SNAP91: variants seen among roughly 807,000 people sequenced by gnomAD.
SNAP91 encodes clathrin coat assembly protein AP180.
A neutral mutation model predicts 100.3 loss-of-function variants in SNAP91; 27 were observed. That is an observed-to-expected ratio of 0.27 (90% CI 0.20 to 0.37). The LOEUF is 0.37. SNAP91 is among the 10% of genes least tolerant of loss of function. The pLI, the probability that SNAP91 is intolerant of heterozygous loss-of-function variation, is 1.00. For synonymous variants in SNAP91, 404 were observed against 398.6 expected (o/e 1.01, Z -0.16); for missense variants, 986 against 1,123.7 (o/e 0.88, Z 1.75).
intron 17 of SNAP91, among the ~76,000 whole-genome samples, chr6:83,593,980 C>T (rs901813493): frequency 8.5e-5 from 13 of 152,088 alleles, no homozygotes; most frequent in East Asian, 3.8e-4. Flanking sequence ...TGCAAAGTGC[C>T]GTAAGATTAA....
chr6:83,572,746 C>A (rs867801122), intron 26 of SNAP91, among the ~76,000 whole-genome samples: 4 of 152,086 alleles, frequency 2.6e-5, no homozygotes, highest in Admixed American at 1.3e-4. Flanking sequence ...TTCCTTAGAA[C>A]AACAAATAAG....
At chr6:83,593,348 G>T in intron 18 of SNAP91, 89 bp from the exon 19 acceptor site, 1 of 1,517,084 alleles carries the variant, frequency 6.6e-7, no homozygotes. Flanking sequence ...GCACTTTGAA[G>T]AACTCTGAAT....
intron 15 of SNAP91, 69 bp from the exon 16 acceptor site, chr6:83,601,507 C>G (rs1223847862): frequency 1.2e-6 from 2 of 1,610,688 alleles, no homozygotes; most frequent in Non-Finnish European, 1.7e-6. Flanking sequence ...ATACCAGACT[C>G]CAAATGATCA....
chr6:83,675,886 G>A (rs992478599), intron 2 of SNAP91, among the ~76,000 whole-genome samples: 3 of 108,944 alleles, frequency 2.8e-5, no homozygotes, highest in African/African-American at 1.1e-4. Flanking sequence ...TCACCCTTTG[G>A]CTGCCAATGT....
rs1192381386 is a variant in SNAP91 at position 83,554,100 on chromosome 6, T to C, written c.*196A>G. 1.3e-5 allele frequency: 2 copies of C among 159,236 alleles called. No individual in the cohort carries two copies. The highest frequency in any genetic ancestry group is 6.5e-5 in the Admixed American group (1 of 15,428). 9.9% of individuals were successfully genotyped at this position (159,236 alleles called of 1,614,324 possible). A position where few individuals can be genotyped will look rare whatever the true frequency, so the allele number is the denominator to read the frequency against. ...TCCAAATACACTACAATTTCAAGAG[T>C]AGGGATAACAGCTAAGGTAGTACAT... On this transcript the variant is annotated 3_prime_UTR_variant, in exon 30 of 30. Transcript: ENST00000369694.
intron 5 of SNAP91, among the ~76,000 whole-genome samples, chr6:83,659,725 C>A (rs1237765508): frequency 6.6e-6 from 1 of 151,946 alleles, no homozygotes; most frequent in Non-Finnish European, 1.5e-5. Flanking sequence ...AGCCACTTTG[C>A]CCAATCAAAA....
intron 23 of SNAP91, among the ~76,000 whole-genome samples, chr6:83,581,807 A>T (rs537526563): frequency 2.6e-5 from 4 of 152,330 alleles, no homozygotes; most frequent in Admixed American, 6.5e-5. Context: ...TTTGTGTCTC[A>T]ACTTCATAAA....
At chr6:83,675,018 C>G (rs528260168) in intron 2 of SNAP91, among the ~76,000 whole-genome samples, 2 of 152,000 alleles carry the variant, frequency 1.3e-5, no homozygotes, top group African/African-American at 4.8e-5. Flanking sequence ...GACCTACTGA[C>G]GGTTTAGGTG....
At position 83,591,266 on chromosome 6, in the gene SNAP91, G is replaced by T. The variant is rs765599711; in HGVS notation, c.1959C>A (p.Pro653=). Residue 653 remains proline, a synonymous_variant, in exon 22 of 30, where the codon CCC becomes CCA. Coordinates refer to ENST00000369694, the MANE Select transcript of SNAP91 (RefSeq NM_001242792.2). ...TAGAAGCAGCCTGAGATGCAGGTTG[G>T]GGTTCAGAAGCACTACTTCCAAATG... The part of the protein sequence containing the change: ...GDAFGSSASE[P]QPASQAASSS... 7 of 1,612,704 alleles carry T rather than the reference G, an allele frequency of 4.3e-6. No individual in the cohort carries two copies. The East Asian group carries it at 8.9e-5, about 21-fold the overall frequency.
At chr6:83,662,991 T>G (rs1447541026) in intron 3 of SNAP91, among the ~76,000 whole-genome samples, 2 of 152,144 alleles carry the variant, frequency 1.3e-5, no homozygotes, top group African/African-American at 2.4e-5. Context: ...CTCACAATAG[T>G]TCAAACTTTT....
intron 2 of SNAP91, among the ~76,000 whole-genome samples, chr6:83,678,118 T>C (rs965184467): frequency 1.3e-5 from 2 of 152,226 alleles, no homozygotes; most frequent in African/African-American, 4.8e-5. Flanking sequence ...AATTAACACA[T>C]GTCCTATTTA....
In SNAP91 at chr6:83,585,883, G is replaced by A. The variant is rs557739978; in HGVS notation, c.2015-3527C>T. Among the ~76,000 whole-genome samples the A allele has an allele frequency of 1.8e-4, 25 of 140,984 alleles. No homozygotes were observed. The East Asian group carries it at 4.3e-3, about 24-fold the overall frequency. The allele number at this position is 140,984 out of a possible 152,430, so 92.5% of individuals were successfully genotyped here. A position where few individuals can be genotyped will look rare whatever the true frequency, so the allele number is the denominator to read the frequency against. On this transcript the variant is annotated intron_variant, in intron 22 of 29. Transcript: ENST00000369694. ...TTTTTTTTTTTTGAGATGGAGTCTC[G>A]CTCTGTCACCAGGCTGGAGTGCAAT...
intron 26 of SNAP91, among the ~76,000 whole-genome samples, chr6:83,572,393 C>T (rs902671541): frequency 6.6e-6 from 1 of 152,036 alleles, no homozygotes; most frequent in Non-Finnish European, 1.5e-5. Context: ...AATACAGGCA[C>T]ATGCCACCAT....
At chr6:83,593,941 G>A (rs984592958) in intron 17 of SNAP91, among the ~76,000 whole-genome samples, 200 bp from the exon 18 acceptor site, 2 of 152,110 alleles carry the variant, frequency 1.3e-5, no homozygotes, top group African/African-American at 4.8e-5. Flanking sequence ...AACTTAGTAG[G>A]TACCACAAGT....
chr6:83,582,238 G>A lies in SNAP91; in HGVS notation c.2133C>T (p.Ser711=). 6.2e-7 allele frequency: 1 copy of A among 1,613,576 alleles called. No individual in the cohort carries two copies. Among genetic ancestry groups the A allele is most frequent in the Non-Finnish European group, 8.5e-7 (1 of 1,179,692 alleles). ...FGTTPSTSSS[S]SFDPSVFDGL... is the part of the protein sequence containing the mutation. ...CTGCCTCACCTGATGGATCAAAGGA[G>A]CTGCTGCTGGAAGTTGAAGGCGTTG... is the stretch of plus-strand genomic sequence containing the variant. Residue 711 remains serine, a synonymous_variant, in exon 23 of 30, where the codon AGC becomes AGT. Coordinates refer to ENST00000369694, the MANE Select transcript of SNAP91 (RefSeq NM_001242792.2).
chr6:83,681,402 T>C (rs923587276), intron 2 of SNAP91, among the ~76,000 whole-genome samples: 1 of 152,152 alleles, frequency 6.6e-6, no homozygotes, highest in Non-Finnish European at 1.5e-5. Context: ...TCAGAGCTTT[T>C]CTAAAGCCCT....
At chr6:83,662,493 CG>C (rs1562559189) in intron 3 of SNAP91, 71 bp from the exon 4 acceptor site, 2 of 562,610 alleles carry the variant, frequency 3.6e-6, no homozygotes, top group Non-Finnish European at 5.7e-6. Flanking sequence ...GACACTAAAG[CG>C]ATTTTTTTTT....
intron 14 of SNAP91, among the ~76,000 whole-genome samples, chr6:83,604,502 C>T (rs944912932): frequency 6.6e-6 from 1 of 151,926 alleles, no homozygotes; most frequent in Non-Finnish European, 1.5e-5. Context: ...ATTTTTGTTA[C>T]CAAAATAACT....
chr6:83,602,221 A>G (rs530701867), intron 14 of SNAP91, among the ~76,000 whole-genome samples: 1 of 152,302 alleles, frequency 6.6e-6, no homozygotes, highest in East Asian at 1.9e-4. Flanking sequence ...AGAAATGCCA[A>G]ATCTTACATG....
Sources: gnomAD v4.1 joint callset for allele counts (sites outside exome capture counted in the v4.1 genomes callset) on GRCh38, gnomAD v4.1.1 for gene constraint, MANE v1.5 for transcripts, NCBI Gene and HGNC (gene_info 2026-07-23, HGNC 2026-07-21) for gene names.